MPDZ: variants seen among roughly 807,000 people sequenced by gnomAD.
MPDZ encodes multiple PDZ domain protein.
In MPDZ, 234 loss-of-function variants were observed where a neutral mutation model predicts 239.1. The observed-to-expected ratio is 0.98, with a 90% CI of 0.88 to 1.09. The LOEUF is 1.09. Among genes scored for constraint, MPDZ ranks in the 50% least tolerant of loss-of-function variants. MPDZ has a pLI of 0.00. For synonymous variants in MPDZ, 1,048 were observed against 881.3 expected, an observed-to-expected ratio of 1.19 and a Z score of -3.35; for missense variants, 3,175 against 2,510.0, an observed-to-expected ratio of 1.26 and a Z score of -5.66.
Position 13,112,124 on chromosome 9 carries a change from A to T in MPDZ, c.5624T>A (p.Ile1875Asn). The T allele has an allele frequency of 6.2e-7, 1 of 1,613,130 alleles. No homozygotes were observed. Among genetic ancestry groups the T allele is most frequent in the Non-Finnish European group, 8.5e-7 (1 of 1,179,362 alleles). ...GCTGCCTACTCCTCCAGCGATGCTG[A>T]TTCCCAGTGAGTCAGTAGGGCCCTG... Reference protein sequence around the residue: ...MKKGPTDSLGISIAGGVGSPL... With the variant: ...MKKGPTDSLGNSIAGGVGSPL... The change falls in exon 43 of 47, where the codon ATC (isoleucine) becomes AAC (asparagine). Residue 1875 changes from isoleucine (I) to asparagine (N), a missense_variant. By Grantham distance (149) the Ile-to-Asn change is moderately radical. Coordinates refer to ENST00000319217, the MANE Select transcript of MPDZ (RefSeq NM_001378778.1).
At chr9:13,279,339 CGCGCGCGCAGGGCGCGG>C (rs1207786557) in intron 1 of MPDZ, 44 bp downstream of exon 1, 1 of 140,042 alleles carries the variant, frequency 7.1e-6, no homozygotes, top group Non-Finnish European at 1.6e-5. Flanking sequence ...TCCCCGCCGG[CGCGCGCGCAGGGCGCGG>C]GGGCGCGCCT....
intron 8 of MPDZ, 80 bp downstream of exon 8, chr9:13,219,479 C>A: frequency 7.9e-7 from 1 of 1,261,980 alleles, no homozygotes; most frequent in Non-Finnish European, 1.1e-6. Flanking sequence ...ATTAGTAAGT[C>A]TAGTTTCTAA....
chr9:13,112,256 G>C, intron 42 of MPDZ, 110 bp from the exon 43 acceptor site: 3 of 1,146,522 alleles, frequency 2.6e-6, no homozygotes, highest in South Asian at 2.0e-5. Context: ...AAGTGTGAGG[G>C]GGAAAATGAA....
At chr9:13,208,376 T>C (rs1369161100) in intron 10 of MPDZ, among the ~76,000 whole-genome samples, 1 of 151,614 alleles carries the variant, frequency 6.6e-6, no homozygotes, top group Non-Finnish European at 1.5e-5. Context: ...CCCAGAAGGT[T>C]CAAAAGGCTG....
rs1959179182 is a variant in MPDZ at position 13,222,337 on chromosome 9, T to C, written c.643A>G (p.Thr215Ala). 6.2e-7 allele frequency: 1 copy of C among 1,613,060 alleles called. No individual in the cohort carries two copies. Among genetic ancestry groups the C allele is most frequent in the Non-Finnish European group, 8.5e-7 (1 of 1,179,338 alleles). The part of the protein sequence containing the change: ...AISILQKAKD[T>A]VQLVIARGSL... The stretch of plus-strand genomic sequence containing the variant: ...CCTCTGGCAATAACTAGCTGGACAG[T>C]ATCTTTGGCTTTCTGCAGGATGCTG... Residue 215 changes from threonine (T) to alanine (A), a missense_variant, in exon 6 of 47, where the codon ACT (threonine) becomes GCT (alanine). Coordinates refer to ENST00000319217, the MANE Select transcript of MPDZ (RefSeq NM_001378778.1).
chr9:13,152,929 C>G (rs1949372914), intron 24 of MPDZ, among the ~76,000 whole-genome samples: 1 of 151,976 alleles, frequency 6.6e-6, no homozygotes, highest in South Asian at 2.1e-4. Flanking sequence ...AGGTCTTTGG[C>G]CTAGATGAGT....
chr9:13,247,627 T>C lies in MPDZ; in HGVS notation c.183+8A>G. The C allele has an allele frequency of 1.9e-6, 3 of 1,604,584 alleles. No homozygotes were observed. The highest frequency in any genetic ancestry group is 1.3e-5 in the African/African-American group (1 of 74,924). On this transcript the variant is annotated splice_region_variant and intron_variant, in intron 3 of 46. Transcript: ENST00000319217. ...CGTGAATGCCTGCTTGGGTGAATGATGTCCTACCTGGTCTTTCAGCTGCTG... is the reference window on the plus strand; with the variant it reads ...CGTGAATGCCTGCTTGGGTGAATGACGTCCTACCTGGTCTTTCAGCTGCTG...
At position 13,125,319 on chromosome 9, in the gene MPDZ, C is replaced by T; in HGVS notation, c.4704G>A (p.Gln1568=). 6.2e-7 allele frequency: 1 copy of T among 1,613,850 alleles called. No individual in the cohort carries two copies. The highest frequency in any genetic ancestry group is 8.5e-7 in the Non-Finnish European group (1 of 1,179,770). The part of the protein sequence containing the change: ...LTIHAENPDS[Q]AVPSAAGAAS... ...CTGCACCAGCTGCTGAAGGAACAGC[C>T]TGGGAATCTGGATTCTCAGCATGGA... is the stretch of plus-strand genomic sequence containing the variant. Residue 1568 remains glutamine (Q), a synonymous_variant, in exon 35 of 47, where the codon CAG becomes CAA. Transcript: ENST00000319217.
At chr9:13,181,618 G>C (rs1587584169) in intron 19 of MPDZ, among the ~76,000 whole-genome samples, 1 of 152,074 alleles carries the variant, frequency 6.6e-6, no homozygotes, top group African/African-American at 2.4e-5. Context: ...GCCAAAATTT[G>C]CTTCAACAAA....
chr9:13,138,222 G>A, intron 28 of MPDZ, 69 bp from the exon 29 acceptor site: 2 of 1,393,330 alleles, frequency 1.4e-6, no homozygotes, highest in Non-Finnish European at 1.9e-6. Context: ...ACTGTGGAAA[G>A]CTATTTAGTT....
intron 10 of MPDZ, among the ~76,000 whole-genome samples, chr9:13,213,858 T>C (rs181692891): frequency 1.3e-5 from 2 of 152,102 alleles, no homozygotes; most frequent in African/African-American, 2.4e-5. Flanking sequence ...CTTTCAATGA[T>C]AGCCCTCAAT....
intron 17 of MPDZ, among the ~76,000 whole-genome samples, chr9:13,188,450 G>A (rs1469721061): frequency 1.3e-5 from 2 of 151,986 alleles, no homozygotes. Context: ...TCTAGGAGGT[G>A]GAGACTGCAA....
chr9:13,155,988 T>G (rs1223042516), intron 24 of MPDZ, among the ~76,000 whole-genome samples: 1 of 152,172 alleles, frequency 6.6e-6, no homozygotes, highest in African/African-American at 2.4e-5. Flanking sequence ...AGCATAAAAA[T>G]TTTCCAGTCC....
chr9:13,262,220 T>G (rs1229676763), intron 1 of MPDZ, among the ~76,000 whole-genome samples: 1 of 151,964 alleles, frequency 6.6e-6, no homozygotes, highest in African/African-American at 2.4e-5. Flanking sequence ...CCCAGCACTT[T>G]GGGAGGGCAA....
intron 1 of MPDZ, 120 bp from the exon 2 acceptor site, chr9:13,250,492 C>T: frequency 1.7e-6 from 1 of 580,734 alleles, no homozygotes; most frequent in South Asian, 2.6e-5. Context: ...CTTGTTGATA[C>T]AACTTAAGAT....
intron 19 of MPDZ, among the ~76,000 whole-genome samples, chr9:13,179,133 T>C (rs7032840): frequency 0.96 from 145,889 of 152,188 alleles, 70,176 homozygotes; most frequent in Non-Finnish European, 1. Context: ...CAAGTGGAAA[T>C]ATCATATAAG....
intron 24 of MPDZ, among the ~76,000 whole-genome samples, chr9:13,152,651 A>C (rs1587300093): frequency 6.6e-6 from 1 of 150,988 alleles, no homozygotes; most frequent in South Asian, 2.1e-4. Flanking sequence ...GGACTAATAT[A>C]CCTGCCATGG....
chr9:13,189,088 T>C (rs1954549512), intron 16 of MPDZ, 95 bp from the exon 17 acceptor site: 1 of 1,053,044 alleles, frequency 9.5e-7, no homozygotes, highest in Non-Finnish European at 1.3e-6. Flanking sequence ...AGTAATTGTC[T>C]CAAGTGCCTT....
In MPDZ at chr9:13,177,314, T is replaced by C. The variant is rs531938355; in HGVS notation, c.2650-897A>G. Among the ~76,000 whole-genome samples the C allele has an allele frequency of 3.3e-5, 5 of 152,274 alleles. No homozygotes were observed. In the East Asian group the frequency reaches 9.6e-4, roughly 29 times the overall value. On this transcript the variant is annotated intron_variant, in intron 19 of 46. Transcript: ENST00000319217. ...GCATAAAGGATTCAAGATACAGACA[T>C]ATACTGTGTATGCATATAGAATACA...
Sources: gnomAD v4.1 joint callset for allele counts (sites outside exome capture counted in the v4.1 genomes callset) on GRCh38, gnomAD v4.1.1 for gene constraint, MANE v1.5 for transcripts, NCBI Gene and HGNC (gene_info 2026-07-23, HGNC 2026-07-21) for gene names.